DOCK4: variants seen among roughly 807,000 people sequenced by gnomAD.
DOCK4 encodes dedicator of cytokinesis 4, also known as dedicator of cytokinesis protein 4.
In DOCK4, 97 loss-of-function variants were observed where a neutral mutation model predicts 268.1. That is an observed-to-expected ratio of 0.36 (90% CI 0.31 to 0.43). The LOEUF (loss-of-function observed/expected upper bound fraction) is 0.43. DOCK4 is among the 20% of genes least tolerant of loss of function. The pLI, the probability that DOCK4 is intolerant of heterozygous loss-of-function variation, is 1.00. For missense variants in DOCK4, 2,145 were observed against 2,455.7 expected, an observed-to-expected ratio of 0.87 and a Z score of 2.67; for synonymous variants, 954 against 887.2, an observed-to-expected ratio of 1.08 and a Z score of -1.34.
At chr7:111,775,841 A>G (rs886751608) in intron 36 of DOCK4, among the ~76,000 whole-genome samples, 2 of 152,086 alleles carry the variant, frequency 1.3e-5, no homozygotes, top group African/African-American at 4.8e-5. Context: ...AACTGCAGGG[A>G]GTGCATCATG....
At position 112,066,702 on chromosome 7, in the gene DOCK4, T is replaced by TAC. The variant is rs1211599569; in HGVS notation, c.38-62572_38-62571insGT. On this transcript the variant is annotated intron_variant, in intron 1 of 52. Transcript: ENST00000428084. ...ATATATACATATACATATATATATA[T>TAC]ATATATATATATATATATATATATA... is the stretch of plus-strand genomic sequence containing the variant. Among the ~76,000 whole-genome samples, 11 of 44,448 alleles carry TAC rather than the reference T, an allele frequency of 2.5e-4. 1 individual carries two copies. The highest frequency in any genetic ancestry group is 1.6e-3 in the East Asian group (4 of 2,506). 29.2% of individuals were successfully genotyped at this position (44,448 alleles called of 152,430 possible).
chr7:111,739,305 C>T (rs761585091), intron 48 of DOCK4, 62 bp from the exon 49 acceptor site: 27 of 1,594,648 alleles, frequency 1.7e-5, no homozygotes, highest in South Asian at 5.5e-5. Context: ...TGTTTGGAGG[C>T]GAGAGCCTGA....
chr7:112,036,957 T>C (rs972929498), intron 1 of DOCK4, among the ~76,000 whole-genome samples: 30 of 152,078 alleles, frequency 2.0e-4, no homozygotes, highest in African/African-American at 7.0e-4. Context: ...CACCGTGCCC[T>C]GCCTGACAGG....
chr7:111,941,211 C>CA (rs1292364565), intron 10 of DOCK4, among the ~76,000 whole-genome samples: 4 of 152,144 alleles, frequency 2.6e-5, no homozygotes, highest in Non-Finnish European at 5.9e-5. Flanking sequence ...CCAAATAAGC[C>CA]AGCTGCTTTT....
chr7:112,164,669 A>T (rs2116533209), intron 1 of DOCK4, among the ~76,000 whole-genome samples: 1 of 152,308 alleles, frequency 6.6e-6, no homozygotes, highest in South Asian at 2.1e-4. Flanking sequence ...CAATACTTAC[A>T]ATTATTTTTA....
At chr7:111,734,956 T>C in intron 51 of DOCK4, 98 bp downstream of exon 51, 1 of 954,058 alleles carries the variant, frequency 1.0e-6, no homozygotes, top group Non-Finnish European at 1.6e-6. Flanking sequence ...ATCCCAGAAA[T>C]CAAACGCCTA....
At chr7:112,117,449 C>T (rs1420855853) in intron 1 of DOCK4, among the ~76,000 whole-genome samples, 1 of 152,168 alleles carries the variant, frequency 6.6e-6, no homozygotes, top group Non-Finnish European at 1.5e-5. Flanking sequence ...CAGCTCACTG[C>T]AGCCTCCACC....
At chr7:111,851,829 T>C (rs1804586002) in intron 23 of DOCK4, among the ~76,000 whole-genome samples, 1 of 152,168 alleles carries the variant, frequency 6.6e-6, no homozygotes, top group Non-Finnish European at 1.5e-5. Flanking sequence ...GTTATTCTCC[T>C]TTCTTCCTCT....
chr7:112,176,429 A>C (rs1431556817), intron 1 of DOCK4, among the ~76,000 whole-genome samples: 2 of 152,130 alleles, frequency 1.3e-5, no homozygotes, highest in East Asian at 3.8e-4. Flanking sequence ...AGACAACATA[A>C]AACTGGGAGC....
At chr7:111,735,707 T>C (rs1273120140) in intron 50 of DOCK4, among the ~76,000 whole-genome samples, 3 of 152,360 alleles carry the variant, frequency 2.0e-5, no homozygotes, top group Non-Finnish European at 2.9e-5. Context: ...GTCATTCTTA[T>C]TTTGTAATTT....
chr7:111,873,262 C>G (rs1046839401), intron 17 of DOCK4, among the ~76,000 whole-genome samples: 2 of 152,216 alleles, frequency 1.3e-5, no homozygotes, highest in Admixed American at 1.3e-4. Context: ...CCAGCAGGTC[C>G]TTAGAGAACC....
intron 13 of DOCK4, among the ~76,000 whole-genome samples, chr7:111,910,462 C>T (rs1319080704): frequency 6.6e-6 from 1 of 152,188 alleles, no homozygotes; most frequent in Non-Finnish European, 1.5e-5. Flanking sequence ...ACGATACTTG[C>T]CAGCTTTCAA....
At chr7:111,916,035 G>A (rs1792557958) in intron 12 of DOCK4, 131 bp from the exon 13 acceptor site, 3 of 952,618 alleles carry the variant, frequency 3.1e-6, no homozygotes, top group Non-Finnish European at 4.7e-6. Flanking sequence ...CGACGAAATC[G>A]ACAGAATCTA....
chr7:111,830,372 G>A (rs1166960893), intron 26 of DOCK4, among the ~76,000 whole-genome samples: 1 of 152,138 alleles, frequency 6.6e-6, no homozygotes, highest in East Asian at 1.9e-4. Flanking sequence ...GTTGCAGTGA[G>A]TCAAGATTGA....
Position 111,863,418 on chromosome 7 carries a change from C to T in DOCK4, c.2427G>A (p.Leu809=). 6.2e-7 allele frequency: 1 copy of T among 1,614,010 alleles called. No individual in the cohort carries two copies. The highest frequency in any genetic ancestry group is 1.6e-4 in the Middle Eastern group (1 of 6,062). Residue 809 remains leucine, a synonymous_variant, in exon 23 of 53, where the codon CTG becomes CTA. Transcript: ENST00000428084. ...HVDDSLQAIK[L]QCIGKTVESQ... ...TTTCCACGGTTTTGCCAATGCACTG[C>T]AGTTTGATGGCCTGCAGGGAATCAT...
intron 43 of DOCK4, 129 bp downstream of exon 43, chr7:111,747,138 A>G: frequency 1.3e-6 from 1 of 757,458 alleles, no homozygotes; most frequent in East Asian, 2.8e-5. Context: ...TATTTAACAA[A>G]GGACTCTGTG....
chr7:111,950,833 T>C (rs1445460728), intron 8 of DOCK4, among the ~76,000 whole-genome samples: 1 of 152,228 alleles, frequency 6.6e-6, no homozygotes, highest in Non-Finnish European at 1.5e-5. Context: ...CTTTATTATA[T>C]TCAACATACA....
chr7:111,883,512 T>C (rs938972186), intron 16 of DOCK4, among the ~76,000 whole-genome samples: 1 of 152,100 alleles, frequency 6.6e-6, no homozygotes, highest in Non-Finnish European at 1.5e-5. Context: ...TGTAAACATA[T>C]CTCTTATTAA....
chr7:111,896,263 C>A (rs1229702343), intron 15 of DOCK4, among the ~76,000 whole-genome samples: 1 of 152,016 alleles, frequency 6.6e-6, no homozygotes. Flanking sequence ...AAGTTAGGCA[C>A]GTTGAAAGAC....
Sources: allele counts gnomAD v4.1 joint callset (sites outside exome capture counted in the v4.1 genomes callset), GRCh38; gene constraint gnomAD v4.1.1; transcripts MANE v1.5; gene names NCBI Gene and HGNC (gene_info 2026-07-23, HGNC 2026-07-21).